The following AKAP13 variants were observed in gnomAD, a reference collection of about 807,000 sequenced individuals.
The protein encoded by AKAP13 is A-kinase anchor protein 13.
In AKAP13, 80 loss-of-function variants were observed where a neutral mutation model predicts 264.5. That is an observed-to-expected ratio of 0.30 (90% CI 0.25 to 0.36). The LOEUF (loss-of-function observed/expected upper bound fraction) is 0.36, where lower values mean the gene tolerates loss of function less well. AKAP13 is among the 10% of genes least tolerant of loss of function. AKAP13 has a pLI of 1.00. For synonymous variants in AKAP13, 1,380 were observed against 1,250.2 expected, an observed-to-expected ratio of 1.10 and a Z score of -2.19; for missense variants, 3,712 against 3,435.2, an observed-to-expected ratio of 1.08 and a Z score of -2.01.
At chr15:85,667,714 G>T (rs1201840950) in intron 13 of AKAP13, among the ~76,000 whole-genome samples, 1 of 152,176 alleles carries the variant, frequency 6.6e-6, no homozygotes, top group Non-Finnish European at 1.5e-5. Flanking sequence ...TAGCTGAACA[G>T]TATTAAACTC....
intron 1 of AKAP13, among the ~76,000 whole-genome samples, chr15:85,383,015 A>C (rs1283712542): frequency 6.6e-6 from 1 of 152,172 alleles, no homozygotes; most frequent in Non-Finnish European, 1.5e-5. Context: ...TAAGGATTTC[A>C]ACAAGAGGTT....
intron 8 of AKAP13, among the ~76,000 whole-genome samples, chr15:85,599,876 T>TA (rs1358220017): frequency 1.3e-5 from 2 of 152,106 alleles, no homozygotes; most frequent in Non-Finnish European, 2.9e-5. Flanking sequence ...TCTCTATTTT[T>TA]AAAAAAATTA....
intron 1 of AKAP13, among the ~76,000 whole-genome samples, chr15:85,402,226 T>C (rs1435097230): frequency 6.6e-6 from 1 of 152,196 alleles, no homozygotes; most frequent in Non-Finnish European, 1.5e-5. Flanking sequence ...AGAGAGCAAG[T>C]GGTGCTACAC....
Position 85,585,743 on chromosome 15 carries a change from G to A in AKAP13, c.4081G>A (p.Ala1361Thr). The change falls in exon 8 of 37, where the codon GCA (alanine) becomes ACA (threonine). Residue 1361 changes from alanine (A) to threonine (T), a missense_variant. By Grantham distance (58) the Ala-to-Thr change is moderately conservative (BLOSUM62 0). Around this residue, in one of 3 missense-constraint regions of AKAP13, gnomAD observed 2,759 missense variants for 2,411.7 expected, o/e 1.14. Coordinates refer to ENST00000394518, the MANE Select transcript of AKAP13 (RefSeq NM_007200.5). ...AGCTGAAGATGAAGTGGATTTTAGA[G>A]CAAGTTCAATTTCTGAAGAAGTGGC... The part of the protein sequence containing the change: ...VKAEDEVDFR[A>T]SSISEEVAVG... 1 of 1,614,152 alleles carries A rather than the reference G, an allele frequency of 6.2e-7. No individual in the cohort carries two copies.
chr15:85,448,863 T>TTTC (rs1207011267), intron 1 of AKAP13, among the ~76,000 whole-genome samples: 1 of 151,050 alleles, frequency 6.6e-6, no homozygotes, highest in African/African-American at 2.4e-5. Flanking sequence ...TTTTTTTTTT[T>TTTC]CTGAAAAGAA....
intron 1 of AKAP13, among the ~76,000 whole-genome samples, chr15:85,482,116 AATGC>A (rs1356999555): frequency 1.3e-5 from 2 of 152,344 alleles, no homozygotes; most frequent in East Asian, 3.9e-4. Flanking sequence ...AAAATAAGTT[AATGC>A]ATTATATGCA....
Position 85,581,031 on chromosome 15 carries a change from C to G in AKAP13, c.2963C>G (p.Ser988Cys). The G allele has an allele frequency of 6.2e-7, 1 of 1,613,918 alleles. No individual in the cohort carries two copies. Among genetic ancestry groups the G allele is most frequent in the African/African-American group, 1.3e-5 (1 of 75,044 alleles). ...CTAAGTAATTCACCGGGTGCATCCTCTGCCTTTCTTAAGGCAGAAACTGAA... is the reference window on the plus strand; with the variant it reads ...CTAAGTAATTCACCGGGTGCATCCTGTGCCTTTCTTAAGGCAGAAACTGAA... ...LQLSNSPGAS[S>C]AFLKAETEHN... The change falls in exon 7 of 37, where the codon TCT (serine) becomes TGT (cysteine). Residue 988 changes from serine (S) to cysteine (C), a missense_variant. Around this residue, in one of 3 missense-constraint regions of AKAP13, gnomAD observed 2,759 missense variants for 2,411.7 expected, o/e 1.14. Coordinates refer to ENST00000394518, the MANE Select transcript of AKAP13 (RefSeq NM_007200.5).
intron 19 of AKAP13, among the ~76,000 whole-genome samples, chr15:85,711,252 G>A (rs1365212237): frequency 6.6e-6 from 1 of 152,000 alleles, no homozygotes; most frequent in Non-Finnish European, 1.5e-5. Context: ...GACCTCAAAT[G>A]TTATTCAGAA....
intron 1 of AKAP13, chr15:85,382,311 T>C (rs2070323255): frequency 1.3e-5 from 2 of 152,234 alleles, no homozygotes; most frequent in Admixed American, 1.3e-4. Flanking sequence ...TGGAGAAGCG[T>C]TCCTGGGCTT....
chr15:85,655,919 C>G, intron 11 of AKAP13, 132 bp downstream of exon 11: 1 of 1,373,984 alleles, frequency 7.3e-7, no homozygotes, highest in Non-Finnish European at 9.5e-7. Context: ...GCTTTGGAAT[C>G]AGGAAAATCT....
At chr15:85,523,175 A>C (rs923820503) in intron 3 of AKAP13, among the ~76,000 whole-genome samples, 5 of 152,046 alleles carry the variant, frequency 3.3e-5, no homozygotes, top group Admixed American at 2.6e-4. Flanking sequence ...AAACTCTGTT[A>C]ACTAAGCAAA....
At chr15:85,420,287 C>A (rs547799000) in intron 1 of AKAP13, among the ~76,000 whole-genome samples, 1 of 151,880 alleles carries the variant, frequency 6.6e-6, no homozygotes, top group Non-Finnish European at 1.5e-5. Context: ...GATAGAGCAG[C>A]GATGGCTTCA....
At chr15:85,477,636 G>GAAAAAAAAAAAAAAAAAAAAAAAAA (rs1567077572) in intron 1 of AKAP13, among the ~76,000 whole-genome samples, 1 of 34,310 alleles carries the variant, frequency 2.9e-5, no homozygotes. Context: ...CTTAAAAAAA[G>GAAAAAAAAAAAAAAAAAAAAAAAAA]GAAAAAAAAA....
intron 17 of AKAP13, among the ~76,000 whole-genome samples, chr15:85,701,850 T>C (rs1259121040): frequency 6.6e-6 from 1 of 152,118 alleles, no homozygotes; most frequent in African/African-American, 2.4e-5. Context: ...CATTCTTTAA[T>C]TTGCATACCA....
intron 1 of AKAP13, among the ~76,000 whole-genome samples, chr15:85,407,553 A>G (rs2071734700): frequency 6.6e-6 from 1 of 151,600 alleles, no homozygotes; most frequent in Non-Finnish European, 1.5e-5. Context: ...GCTGGGTCTT[A>G]AAGCATGAGT....
rs1157933832 is a variant in AKAP13 at position 85,601,911 on chromosome 15, CAA to C, written c.4161+16094_4161+16095del. ...TTTTCTACAAAAAATTACTTTTCTACAAAAAAATTTAGAGGAGTGGTATTGTT... is the reference window on the plus strand; with the variant it reads ...TTTTCTACAAAAAATTACTTTTCTACAAAAATTTAGAGGAGTGGTATTGTT... On this transcript the variant is annotated intron_variant, in intron 8 of 36. Coordinates refer to ENST00000394518, the MANE Select transcript of AKAP13 (RefSeq NM_007200.5). Among the ~76,000 whole-genome samples the C allele has an allele frequency of 3.3e-5, 5 of 151,614 alleles. No individual in the cohort carries two copies. In the Middle Eastern group the frequency reaches 0.017, roughly 519 times the overall value.
At chr15:85,693,113 T>G (rs776227885) in intron 16 of AKAP13, 164 bp from the exon 17 acceptor site, 5 of 1,273,302 alleles carry the variant, frequency 3.9e-6, no homozygotes, top group Admixed American at 3.6e-5. Context: ...GCCAACGCCT[T>G]AATTTAAAAA....
At position 85,740,284 on chromosome 15, in the gene AKAP13, C is replaced by T. The variant is rs2088854606; in HGVS notation, c.7608+12C>T. ...TCAGCGCTCTGCAGGTGCGTGCCTT[C>T]ATCTTCCATCCCTGCGTTTATTTGT... is the stretch of plus-strand genomic sequence containing the variant. On this transcript the variant is annotated intron_variant, in intron 34 of 36. Coordinates refer to ENST00000394518, the MANE Select transcript of AKAP13 (RefSeq NM_007200.5). The T allele has an allele frequency of 6.2e-7, 1 of 1,613,498 alleles. No individual in the cohort carries two copies. Among genetic ancestry groups the T allele is most frequent in the African/African-American group, 1.3e-5 (1 of 74,910 alleles).
chr15:85,746,665 T>G lies in AKAP13; in HGVS notation c.*1988T>G, dbSNP rs1233117050. 1 of 152,302 alleles carries G rather than the reference T, an allele frequency of 6.6e-6. No individual in the cohort carries two copies. The highest frequency in any genetic ancestry group is 2.1e-4 in the South Asian group (1 of 4,818). The allele number at this position is 152,302 out of a possible 1,614,324, so 9.4% of individuals were successfully genotyped here. ...CTTGCAAAGACCCTAAACAAAAAGT[T>G]AAGTTTCTTTCTTTCACCTATTTGT... is the stretch of plus-strand genomic sequence containing the variant. On this transcript the variant is annotated 3_prime_UTR_variant, in exon 37 of 37. Transcript: ENST00000394518.
Sources: allele counts gnomAD v4.1 joint callset (sites outside exome capture counted in the v4.1 genomes callset), GRCh38; gene constraint gnomAD v4.1.1; regional missense constraint gnomAD v4.1.1; transcripts MANE v1.5; gene names NCBI Gene and HGNC (gene_info 2026-07-23, HGNC 2026-07-21).